Variants in SYN3 observed in about 807,000 individuals in gnomAD.
The protein encoded by SYN3 is synapsin-3.
SYN3 carries 35 observed loss-of-function variants against 65.8 expected under a neutral mutation model. The observed-to-expected ratio is 0.53, with a 90% CI of 0.41 to 0.70. The LOEUF (loss-of-function observed/expected upper bound fraction) is 0.70, where lower values mean the gene tolerates loss of function less well. SYN3 is among the 30% of genes least tolerant of loss of function. The pLI, the probability that SYN3 is intolerant of heterozygous loss-of-function variation, is 0.00. For missense variants in SYN3, 680 were observed against 749.0 expected (o/e 0.91, Z 1.08); for synonymous variants, 270 against 292.9 (o/e 0.92, Z 0.80).
chr22:32,918,398 T>C (rs1002075113), intron 4 of SYN3, among the ~76,000 whole-genome samples: 1 of 152,204 alleles, frequency 6.6e-6, no homozygotes, highest in Non-Finnish European at 1.5e-5. Flanking sequence ...CAAATAGTTA[T>C]TGAGAACCTG....
chr22:32,816,542 A>T (rs1253572545), intron 6 of SYN3, among the ~76,000 whole-genome samples: 1 of 152,184 alleles, frequency 6.6e-6, no homozygotes, highest in East Asian at 1.9e-4. Context: ...TGAGGAGAAC[A>T]GCAGGCAGTT....
At chr22:33,034,439 G>A (rs1184958432) in intron 1 of SYN3, among the ~76,000 whole-genome samples, 1 of 151,734 alleles carries the variant, frequency 6.6e-6, no homozygotes, top group East Asian at 2.0e-4. Flanking sequence ...GTAGAGACGG[G>A]GTTTCACGAT....
intron 4 of SYN3, among the ~76,000 whole-genome samples, chr22:32,915,322 A>G (rs2050159373): frequency 6.6e-6 from 1 of 152,226 alleles, no homozygotes; most frequent in Non-Finnish European, 1.5e-5. Context: ...CATTCATTCT[A>G]AGTACTAGGG....
In SYN3 at chr22:32,627,381, G is replaced by A. The variant is rs536387902; in HGVS notation, c.712-30645C>T. 2.0e-5 allele frequency among the ~76,000 whole-genome samples: 3 copies of A among 152,244 alleles called. No homozygotes were observed. In the South Asian group the frequency reaches 6.2e-4, roughly 32 times the overall value. On this transcript the variant is annotated intron_variant, in intron 6 of 13. Transcript: ENST00000358763. ...TGTACGTATGCTGCAGCTTCTGTGA[G>A]CCCTAATGCTCTGCTGTCCCTCTAC...
chr22:32,826,701 T>C (rs1435710210), intron 6 of SYN3, among the ~76,000 whole-genome samples: 1 of 152,216 alleles, frequency 6.6e-6, no homozygotes, highest in East Asian at 1.9e-4. Context: ...CTATTTGAGC[T>C]GGAATAAAAT....
In SYN3 at chr22:32,513,670, TC is replaced by T. The variant is rs1317558739; in HGVS notation, c.*21del. 6.2e-7 allele frequency: 1 copy of T among 1,612,900 alleles called. No individual in the cohort carries two copies. On this transcript the variant is annotated 3_prime_UTR_variant, in exon 14 of 14. Transcript: ENST00000358763. ...GGGGACGAGTGTAGCAGAGCACTCT[TC>T]CCCTCCCAGCCTGGATGGCGTTAGT...
chr22:32,808,539 C>T (rs1220869864), intron 6 of SYN3, among the ~76,000 whole-genome samples: 1 of 152,170 alleles, frequency 6.6e-6, no homozygotes, highest in Non-Finnish European at 1.5e-5. Context: ...GATAAAGTAT[C>T]ATCAAATGGC....
intron 7 of SYN3, among the ~76,000 whole-genome samples, chr22:32,577,944 T>C (rs2058876342): frequency 6.6e-6 from 1 of 152,260 alleles, no homozygotes; most frequent in African/African-American, 2.4e-5. Flanking sequence ...TCTCATCTCC[T>C]GATATATGGA....
intron 4 of SYN3, among the ~76,000 whole-genome samples, chr22:32,900,376 C>T (rs113810685): frequency 5.3e-5 from 8 of 152,320 alleles, no homozygotes; most frequent in Non-Finnish European, 8.8e-5. Flanking sequence ...AAGTTCCGGG[C>T]AAATTTCCTG....
chr22:32,560,031 C>A (rs1159862690), intron 7 of SYN3, among the ~76,000 whole-genome samples: 2 of 152,202 alleles, frequency 1.3e-5, no homozygotes, highest in Admixed American at 6.5e-5. Context: ...AGCATGCGCA[C>A]AACTTCAGTA....
chr22:32,642,882 C>T (rs2059923263), intron 6 of SYN3, among the ~76,000 whole-genome samples: 1 of 151,630 alleles, frequency 6.6e-6, no homozygotes, highest in African/African-American at 2.4e-5. Context: ...TGATCAGGCC[C>T]CCTATCAAAA....
intron 6 of SYN3, among the ~76,000 whole-genome samples, chr22:32,832,541 G>GTT (rs11295694): frequency 4.3e-5 from 6 of 138,544 alleles, no homozygotes; most frequent in African/African-American, 7.9e-5. Context: ...ATAAGCCTGG[G>GTT]TTTTTTTTTT....
intron 6 of SYN3, among the ~76,000 whole-genome samples, chr22:32,696,710 GA>G (rs1272370973): frequency 6.6e-6 from 1 of 152,172 alleles, no homozygotes; most frequent in Non-Finnish European, 1.5e-5. Flanking sequence ...CTGAGTGGGT[GA>G]AAACGGCTCT....
chr22:32,589,605 AGG>A (rs36063077), intron 7 of SYN3, among the ~76,000 whole-genome samples: 1 of 152,140 alleles, frequency 6.6e-6, no homozygotes, highest in Non-Finnish European at 1.5e-5. Flanking sequence ...CTCTTACCTA[AGG>A]GGGCAGTCCA....
chr22:32,981,894 T>C (rs1171030687), intron 2 of SYN3, among the ~76,000 whole-genome samples: 2 of 152,172 alleles, frequency 1.3e-5, no homozygotes, highest in Non-Finnish European at 2.9e-5. Context: ...CCCCTACCCT[T>C]TGAAGGCAAA....
intron 7 of SYN3, among the ~76,000 whole-genome samples, chr22:32,571,569 C>A (rs1010263276): frequency 6.6e-6 from 1 of 152,196 alleles, no homozygotes; most frequent in African/African-American, 2.4e-5. Flanking sequence ...CTCCCACAAC[C>A]CTTGACCTAT....
intron 6 of SYN3, among the ~76,000 whole-genome samples, chr22:32,746,216 T>C (rs920527155): frequency 6.6e-6 from 1 of 152,194 alleles, no homozygotes; most frequent in Non-Finnish European, 1.5e-5. Context: ...GGTTGCAGCC[T>C]AAGGGGCAGA....
At chr22:32,666,447 G>T (rs903891403) in intron 6 of SYN3, among the ~76,000 whole-genome samples, 25 of 152,158 alleles carry the variant, frequency 1.6e-4, no homozygotes, top group Non-Finnish European at 3.5e-4. Context: ...CTCTGGCCAT[G>T]TGGCCACCTT....
chr22:32,968,553 C>T (rs2146927450), intron 3 of SYN3, among the ~76,000 whole-genome samples: 1 of 152,320 alleles, frequency 6.6e-6, no homozygotes, highest in Non-Finnish European at 1.5e-5. Flanking sequence ...CTGCCCTCCA[C>T]CTTCTTTGTC....
Sources: allele counts gnomAD v4.1 joint callset (sites outside exome capture counted in the v4.1 genomes callset), GRCh38; gene constraint gnomAD v4.1.1; transcripts MANE v1.5; gene names NCBI Gene and HGNC (gene_info 2026-07-23, HGNC 2026-07-21).